ADGRL4: variants seen among roughly 807,000 people sequenced by gnomAD.
The protein encoded by ADGRL4 is adhesion G protein-coupled receptor L4.
ADGRL4 carries 90 observed loss-of-function variants against 74.8 expected under a neutral mutation model. The observed-to-expected ratio is 1.20, with a 90% confidence interval of 1.02 to 1.43. ADGRL4 has a LOEUF of 1.43. Ranked by LOEUF, ADGRL4 falls within the 40% of genes most tolerant of loss-of-function variation. The pLI, the probability that ADGRL4 is intolerant of heterozygous loss-of-function variation, is 0.00. For synonymous variants in ADGRL4, 311 were observed against 279.2 expected (o/e 1.11, Z -1.14); for missense variants, 881 against 814.3 (o/e 1.08, Z -1.00).
intron 3 of ADGRL4, among the ~76,000 whole-genome samples, 186 bp from the exon 4 acceptor site, chr1:78,939,444 G>A (rs1649429252): frequency 6.6e-6 from 1 of 151,918 alleles, no homozygotes; most frequent in Non-Finnish European, 1.5e-5. Context: ...AGGGTTTTAA[G>A]GGCCAAGAAA....
chr1:78,942,107 G>A (rs1649497306), intron 3 of ADGRL4, among the ~76,000 whole-genome samples: 3 of 143,434 alleles, frequency 2.1e-5, no homozygotes, highest in South Asian at 4.4e-4. Context: ...GGCTGAGGCA[G>A]GAGAATGGCA....
chr1:78,993,782 CT>C (rs1220228642), intron 2 of ADGRL4, among the ~76,000 whole-genome samples: 3 of 151,980 alleles, frequency 2.0e-5, no homozygotes, highest in African/African-American at 4.8e-5. Flanking sequence ...ACTGTGTTAG[CT>C]AGGATGGTCT....
chr1:78,891,738 C>A, intron 13 of ADGRL4, 46 bp from the exon 14 acceptor site: 1 of 1,505,594 alleles, frequency 6.6e-7, no homozygotes, highest in South Asian at 1.2e-5. Context: ...TACGTATAGT[C>A]AACATATCTC....
intron 2 of ADGRL4, among the ~76,000 whole-genome samples, chr1:78,991,128 T>C (rs896328830): frequency 3.9e-5 from 6 of 152,052 alleles, no homozygotes; most frequent in Non-Finnish European, 7.4e-5. Flanking sequence ...CAACTTCAAT[T>C]ATGTTTTTAA....
chr1:78,903,524 T>C (rs560833277), intron 12 of ADGRL4, among the ~76,000 whole-genome samples: 1 of 152,174 alleles, frequency 6.6e-6, no homozygotes, highest in African/African-American at 2.4e-5. Context: ...AGAAGACAAT[T>C]TGAAGCATGG....
chr1:78,944,112 T>C (rs1649547064), intron 3 of ADGRL4, among the ~76,000 whole-genome samples: 1 of 152,196 alleles, frequency 6.6e-6, no homozygotes, highest in Non-Finnish European at 1.5e-5. Flanking sequence ...TGTTTTCTAA[T>C]GCAGAAATTC....
chr1:78,993,871 C>A (rs1444751815), intron 2 of ADGRL4, among the ~76,000 whole-genome samples: 1 of 152,128 alleles, frequency 6.6e-6, no homozygotes, highest in Non-Finnish European at 1.5e-5. Context: ...CCGCACCCGG[C>A]CAAAAATTTC....
At chr1:78,891,860 A>G (rs1648285204) in intron 13 of ADGRL4, among the ~76,000 whole-genome samples, 168 bp from the exon 14 acceptor site, 1 of 152,154 alleles carries the variant, frequency 6.6e-6, no homozygotes, top group South Asian at 2.1e-4. Context: ...GTTAGGTGTG[A>G]CAGCATTTAG....
At chr1:78,940,466 A>G (rs2100690580) in intron 3 of ADGRL4, among the ~76,000 whole-genome samples, 1 of 152,244 alleles carries the variant, frequency 6.6e-6, no homozygotes, top group Admixed American at 6.5e-5. Context: ...TTAAGCTTAC[A>G]TAGTATATAT....
intron 2 of ADGRL4, among the ~76,000 whole-genome samples, chr1:78,974,154 T>A (rs935092813): frequency 6.6e-6 from 1 of 152,152 alleles, no homozygotes; most frequent in African/African-American, 2.4e-5. Flanking sequence ...CAGTTTATCT[T>A]CAGTGCAAAA....
chr1:78,972,447 T>A (rs1305277794), intron 2 of ADGRL4, among the ~76,000 whole-genome samples: 2 of 152,194 alleles, frequency 1.3e-5, no homozygotes, highest in African/African-American at 4.8e-5. Context: ...CAAAGATTTT[T>A]AAAATAATAA....
intron 8 of ADGRL4, among the ~76,000 whole-genome samples, chr1:78,923,317 G>C (rs1165568677): frequency 2.0e-5 from 3 of 151,942 alleles, no homozygotes; most frequent in Non-Finnish European, 2.9e-5. Context: ...CCTTTCACCA[G>C]ACTTCTGTCT....
chr1:78,969,238 C>T (rs184698357), intron 2 of ADGRL4, among the ~76,000 whole-genome samples: 17 of 152,232 alleles, frequency 1.1e-4, no homozygotes, highest in African/African-American at 3.9e-4. Flanking sequence ...TGCAACAGTG[C>T]AATAAGAATC....
In ADGRL4 at chr1:78,935,988, A is replaced by G. The variant is rs1335314451; in HGVS notation, c.877+307T>C. 3.4e-4 allele frequency among the ~76,000 whole-genome samples: 27 copies of G among 79,040 alleles called. 9 individuals are homozygous for G. The highest frequency in any genetic ancestry group is 9.6e-4 in the African/African-American group (24 of 24,980). 51.9% of individuals were successfully genotyped at this position (79,040 alleles called of 152,430 possible). A position where few individuals can be genotyped will look rare whatever the true frequency, so the allele number is the denominator to read the frequency against. On this transcript the variant is annotated intron_variant, in intron 7 of 14. Transcript: ENST00000370742. ...AATACAAAAAAATTAGCCGGGCGTGATGGCGGGCGCCTGTAGTCCCAGCTA... is the reference window on the plus strand; with the variant it reads ...AATACAAAAAAATTAGCCGGGCGTGGTGGCGGGCGCCTGTAGTCCCAGCTA...
chr1:78,985,401 T>C (rs79342473), intron 2 of ADGRL4, among the ~76,000 whole-genome samples: 105 of 151,964 alleles, frequency 6.9e-4, no homozygotes, highest in African/African-American at 2.5e-3. Context: ...GCAATAAGTA[T>C]ATATTACTTT....
chr1:78,947,401 A>T (rs1239112938), intron 2 of ADGRL4, among the ~76,000 whole-genome samples: 1 of 152,206 alleles, frequency 6.6e-6, no homozygotes, highest in Non-Finnish European at 1.5e-5. Flanking sequence ...AGACTGAAAG[A>T]TGTAACTGCA....
intron 7 of ADGRL4, among the ~76,000 whole-genome samples, chr1:78,929,617 A>T (rs189039218): frequency 6.6e-6 from 1 of 151,622 alleles, no homozygotes; most frequent in East Asian, 1.9e-4. Flanking sequence ...TTATTAACTA[A>T]TTTTTTCAAT....
At chr1:78,983,459 A>T (rs567524371) in intron 2 of ADGRL4, among the ~76,000 whole-genome samples, 21 of 151,796 alleles carry the variant, frequency 1.4e-4, no homozygotes, top group Non-Finnish European at 2.4e-4. Context: ...AGAATTAGAA[A>T]AAAAAAAGCA....
chr1:78,982,568 A>G (rs1230513735), intron 2 of ADGRL4, among the ~76,000 whole-genome samples: 3 of 151,884 alleles, frequency 2.0e-5, no homozygotes, highest in African/African-American at 4.8e-5. Flanking sequence ...AGCTTCCTTT[A>G]TGCTCATAAG....
Sources: gnomAD v4.1 joint callset for allele counts (sites outside exome capture counted in the v4.1 genomes callset) on GRCh38, gnomAD v4.1.1 for gene constraint, MANE v1.5 for transcripts, NCBI Gene and HGNC (gene_info 2026-07-23, HGNC 2026-07-21) for gene names.